Variants in CPLX2 observed in about 807,000 individuals in gnomAD.
CPLX2 encodes complexin-2.
In CPLX2, 5 loss-of-function variants were observed where a neutral mutation model predicts 16.3. That is an observed-to-expected ratio of 0.31 (90% confidence interval 0.16 to 0.64). The LOEUF is 0.64. Ranked by LOEUF, CPLX2 falls within the 30% of genes least tolerant of loss-of-function variation. The pLI, the probability that CPLX2 is intolerant of heterozygous loss-of-function variation, is 0.79. For synonymous variants in CPLX2, 89 were observed against 73.2 expected (o/e 1.22, Z -1.10); for missense variants, 144 against 181.4 (o/e 0.79, Z 1.18).
In CPLX2 at chr5:175,880,289, C is replaced by T. The variant is rs1319356427; in HGVS notation, c.*244C>T. On this transcript the variant is annotated 3_prime_UTR_variant, in exon 4 of 4. Coordinates refer to ENST00000393745, the MANE Select transcript of CPLX2 (RefSeq NM_001008220.2). ...AGGACAGTCTTTCCCCAGCAGGGGTCAGGGGGGCCCCTCAGGAAGCCTAAG... is the reference window on the plus strand; with the variant it reads ...AGGACAGTCTTTCCCCAGCAGGGGTTAGGGGGGCCCCTCAGGAAGCCTAAG... 6 of 599,432 alleles carry T rather than the reference C, an allele frequency of 1.0e-5. No individual in the cohort carries two copies. Among genetic ancestry groups the T allele is most frequent in the Non-Finnish European group, 1.8e-5 (6 of 330,232 alleles). The allele number at this position is 599,432 out of a possible 1,614,324, so 37.1% of individuals were successfully genotyped here.
At chr5:175,822,909 G>A (rs1046970492) in intron 2 of CPLX2, among the ~76,000 whole-genome samples, 2 of 152,258 alleles carry the variant, frequency 1.3e-5, no homozygotes, top group Non-Finnish European at 2.9e-5. Context: ...CATCTTCCCA[G>A]AGAGGGGCCA....
intron 2 of CPLX2, among the ~76,000 whole-genome samples, chr5:175,837,257 C>CG (rs1010846840): frequency 2.0e-5 from 3 of 152,162 alleles, no homozygotes; most frequent in Non-Finnish European, 4.4e-5. Flanking sequence ...GGCAACCCCA[C>CG]GGGGCGTCTC....
chr5:175,808,503 T>C (rs1758254462), intron 1 of CPLX2, among the ~76,000 whole-genome samples: 1 of 152,058 alleles, frequency 6.6e-6, no homozygotes, highest in Non-Finnish European at 1.5e-5. Flanking sequence ...TGGTCTTATT[T>C]AACAACAGCA....
At chr5:175,816,416 T>A (rs1758409837) in intron 2 of CPLX2, among the ~76,000 whole-genome samples, 1 of 152,204 alleles carries the variant, frequency 6.6e-6, no homozygotes, top group African/African-American at 2.4e-5. Flanking sequence ...TCTGCCCGCC[T>A]CAGCCTCCCA....
chr5:175,798,661 G>A (rs576478745), intron 1 of CPLX2, among the ~76,000 whole-genome samples: 4 of 152,078 alleles, frequency 2.6e-5, no homozygotes, highest in Admixed American at 1.3e-4. Flanking sequence ...GGCTGGAGCC[G>A]GTCTCCAAAG....
chr5:175,810,132 A>G (rs887878456), intron 2 of CPLX2, among the ~76,000 whole-genome samples: 2 of 152,192 alleles, frequency 1.3e-5, no homozygotes, highest in African/African-American at 4.8e-5. Context: ...ACAGAAGGGA[A>G]CATTTTGGCC....
intron 2 of CPLX2, among the ~76,000 whole-genome samples, chr5:175,850,266 T>C (rs1484343363): frequency 6.6e-6 from 1 of 152,100 alleles, no homozygotes; most frequent in Non-Finnish European, 1.5e-5. Flanking sequence ...AGGTCACCCA[T>C]GCAGGGCCCA....
chr5:175,798,067 G>T lies in CPLX2; in HGVS notation c.-169+1283G>T, dbSNP rs188807376. 5.4e-3 allele frequency among the ~76,000 whole-genome samples: 820 copies of T among 152,274 alleles called. 3 individuals carry two copies. The highest frequency in any genetic ancestry group is 6.4e-3 in the Non-Finnish European group (433 of 68,022). On this transcript the variant is annotated intron_variant, in intron 1 of 4. Coordinates refer to the CPLX2 transcript ENST00000359546. Reference sequence around the variant, plus strand: ...GTAGCAAAGCTGGGCCTAAAACCCGGGCTCTCTAACTCCTGGGCCTGTTGC... The same window carrying T: ...GTAGCAAAGCTGGGCCTAAAACCCGTGCTCTCTAACTCCTGGGCCTGTTGC...
In CPLX2 at chr5:175,879,209, C is replaced by CTTCT. The variant is rs1253810509; in HGVS notation, c.207+127_207+130dup. On this transcript the variant is annotated intron_variant, in intron 3 of 3. Coordinates refer to ENST00000393745, the MANE Select transcript of CPLX2 (RefSeq NM_001008220.2). ...CTTCGCCCTAGTTCTGAGCCTCACT[C>CTTCT]TTCTCATCAGCAAAACGGGTATCAC... The CTTCT allele has an allele frequency of 7.8e-6, 8 of 1,032,252 alleles. No individual in the cohort carries two copies. In the African/African-American group the frequency reaches 1.1e-4, roughly 15 times the overall value. The allele number at this position is 1,032,252 out of a possible 1,614,324, so 63.9% of individuals were successfully genotyped here.
chr5:175,834,171 G>A (rs376195360), intron 2 of CPLX2, among the ~76,000 whole-genome samples: 11 of 152,344 alleles, frequency 7.2e-5, no homozygotes, highest in African/African-American at 2.6e-4. Flanking sequence ...AAGTTCCTAC[G>A]TGTCTCTGGA....
At chr5:175,871,423 G>GAGACAGAGAC (rs1942304584), upstream of CPLX2, 2 of 117,232 alleles carry the variant, frequency 1.7e-5, no homozygotes, top group Non-Finnish European at 1.9e-5. Context: ...GAGAGAGAGA[G>GAGACAGAGAC]AGAGAGAGAC....
intron 2 of CPLX2, among the ~76,000 whole-genome samples, chr5:175,864,331 A>C (rs1016297717): frequency 2.0e-5 from 3 of 152,210 alleles, no homozygotes; most frequent in Non-Finnish European, 2.9e-5. Flanking sequence ...GGATGGCCCC[A>C]GAGCTTTCAT....
At chr5:175,853,886 T>A (rs533287515) in intron 2 of CPLX2, among the ~76,000 whole-genome samples, 2 of 152,168 alleles carry the variant, frequency 1.3e-5, no homozygotes, top group South Asian at 2.1e-4. Flanking sequence ...GTTGAGAGGC[T>A]CCCTGAGTTC....
At chr5:175,869,302 T>C (rs1453581603), upstream of CPLX2, among the ~76,000 whole-genome samples, 1 of 152,238 alleles carries the variant, frequency 6.6e-6, no homozygotes, top group Non-Finnish European at 1.5e-5. Flanking sequence ...CAGTTTTTTA[T>C]AGACTCAAAG....
At chr5:175,811,782 G>T (rs946796668) in intron 2 of CPLX2, among the ~76,000 whole-genome samples, 4 of 152,244 alleles carry the variant, frequency 2.6e-5, no homozygotes, top group Non-Finnish European at 5.9e-5. Context: ...AGTCAGCACT[G>T]AAGAGCTGGA....
upstream of CPLX2, among the ~76,000 whole-genome samples, chr5:175,869,193 T>G (rs551463901): frequency 2.0e-5 from 3 of 152,334 alleles, no homozygotes; most frequent in East Asian, 5.8e-4. Context: ...ATTTACCCCT[T>G]ATTGTGCAAC....
Position 175,860,053 on chromosome 5 carries a change from T to C in CPLX2, c.-88-18599T>C, listed in dbSNP as rs546464350. On this transcript the variant is annotated intron_variant, in intron 2 of 4. Transcript: ENST00000359546. The stretch of plus-strand genomic sequence containing the variant: ...GGACCTGGGCCCTCACACACTGTCA[T>C]CAGGAATTTGTCTCCTGCCCTTCGC... 3.3e-5 allele frequency among the ~76,000 whole-genome samples: 5 copies of C among 152,336 alleles called. No individual in the cohort carries two copies. The South Asian group carries it at 1.0e-3, about 32-fold the overall frequency.
chr5:175,862,638 A>G (rs1210691941), intron 2 of CPLX2, among the ~76,000 whole-genome samples: 2 of 152,266 alleles, frequency 1.3e-5, no homozygotes, highest in African/African-American at 4.8e-5. Context: ...TGGACTTTAT[A>G]CTGAAGGCAA....
intron 2 of CPLX2, among the ~76,000 whole-genome samples, chr5:175,860,604 A>AAGGC (rs1211024325): frequency 6.8e-6 from 1 of 147,686 alleles, no homozygotes. Context: ...GGAAGGAAGG[A>AAGGC]AGGAAGGAAG....
Sources: gnomAD v4.1 joint callset for allele counts (sites outside exome capture counted in the v4.1 genomes callset) on GRCh38, gnomAD v4.1.1 for gene constraint, MANE v1.5 for transcripts, NCBI Gene and HGNC (gene_info 2026-07-23, HGNC 2026-07-21) for gene names.